AHI1: variants seen among roughly 807,000 people sequenced by gnomAD.
AHI1 encodes the protein jouberin.
Under a neutral mutation model 149.3 loss-of-function variants are expected in AHI1, and 123 were observed. The observed-to-expected ratio is 0.82, with a 90% CI of 0.71 to 0.96. AHI1 has a LOEUF of 0.96. AHI1 is among the 40% of genes least tolerant of loss of function. The probability of loss-of-function intolerance (pLI) is 0.00; values close to 1 mark genes in which losing one functional copy is unlikely to be tolerated. For missense variants in AHI1, 1,439 were observed against 1,422.7 expected, an observed-to-expected ratio of 1.01 and a Z score of -0.18; for synonymous variants, 475 against 459.8, an observed-to-expected ratio of 1.03 and a Z score of -0.42.
In AHI1 at chr6:135,347,876, T is replaced by C. The variant is rs533559795; in HGVS notation, c.3165+10256A>G. Among the ~76,000 whole-genome samples, 39 of 152,222 alleles carry C rather than the reference T, an allele frequency of 2.6e-4. 1 individual carries two copies. The highest frequency in any genetic ancestry group is 5.0e-4 in the Non-Finnish European group (34 of 68,036). On this transcript the variant is annotated intron_variant, in intron 24 of 28. Transcript: ENST00000265602. The stretch of plus-strand genomic sequence containing the variant: ...AAGTACTCCCAGAGAAGTCTGCATA[T>C]GTTGCCATAAGATAGTGCCAGCCAG...
intron 23 of AHI1, among the ~76,000 whole-genome samples, chr6:135,384,799 T>C (rs1777336559): frequency 6.6e-6 from 1 of 152,124 alleles, no homozygotes; most frequent in Non-Finnish European, 1.5e-5. Flanking sequence ...GTTTTTAAAA[T>C]GTAAATTGGA....
At chr6:135,389,907 T>C (rs1263504985) in intron 23 of AHI1, among the ~76,000 whole-genome samples, 1 of 152,242 alleles carries the variant, frequency 6.6e-6, no homozygotes, top group African/African-American at 2.4e-5. Context: ...ATTTTAAAAC[T>C]TAGTTTTACA....
chr6:135,369,791 T>C (rs369941911), intron 23 of AHI1, among the ~76,000 whole-genome samples: 19 of 152,300 alleles, frequency 1.2e-4, no homozygotes, highest in African/African-American at 4.6e-4. Flanking sequence ...TGTTGTTAGG[T>C]CCATCTAATG....
chr6:135,302,884 C>T (rs1401962510), intron 26 of AHI1: 22 of 1,138,566 alleles, frequency 1.9e-5, no homozygotes, highest in Middle Eastern at 2.3e-4. Context: ...CCATCGACAA[C>T]GCCAAAGAAC....
At chr6:135,493,837 G>T (rs569630968) in intron 3 of AHI1, among the ~76,000 whole-genome samples, 1 of 152,186 alleles carries the variant, frequency 6.6e-6, no homozygotes, top group Non-Finnish European at 1.5e-5. Flanking sequence ...GAGGTCAGGA[G>T]TTTGTGTCCT....
intron 5 of AHI1, among the ~76,000 whole-genome samples, chr6:135,474,172 T>C (rs1792208896): frequency 6.6e-6 from 1 of 152,214 alleles, no homozygotes; most frequent in Admixed American, 6.5e-5. Flanking sequence ...TACAATACTT[T>C]CCGTTTAAAA....
At chr6:135,314,801 A>C (rs1044144245) in intron 26 of AHI1, among the ~76,000 whole-genome samples, 2 of 152,118 alleles carry the variant, frequency 1.3e-5, no homozygotes, top group African/African-American at 4.8e-5. Flanking sequence ...GCAATGCCAA[A>C]GCACTTTTCC....
intron 23 of AHI1, among the ~76,000 whole-genome samples, chr6:135,361,645 TCACA>T (rs57786531): frequency 0.16 from 21,194 of 133,646 alleles, 1,745 homozygotes; most frequent in Admixed American, 0.18. Context: ...AGGTATGGTT[TCACA>T]CACACACACA....
chr6:135,318,507 A>G lies in AHI1; in HGVS notation c.3426+12T>C, dbSNP rs1786313203. ...AAGTACATATGTAATACGTATGCTC[A>G]AAAACATTTACCTTTTGAGGAGCTG... On this transcript the variant is annotated intron_variant, in intron 26 of 28. Coordinates refer to ENST00000265602, the MANE Select transcript of AHI1 (RefSeq NM_001134831.2). The G allele has an allele frequency of 6.5e-7, 1 of 1,545,494 alleles. No homozygotes were observed.
chr6:135,421,863 T>A (rs73777521), intron 20 of AHI1, among the ~76,000 whole-genome samples: 7,492 of 152,202 alleles, frequency 0.049, 531 homozygotes, highest in African/African-American at 0.16. Context: ...AATGTGGCAT[T>A]TCTATCTTTT....
chr6:135,453,645 A>T (rs1470388478), intron 10 of AHI1, among the ~76,000 whole-genome samples: 1 of 152,178 alleles, frequency 6.6e-6, no homozygotes, highest in Non-Finnish European at 1.5e-5. Flanking sequence ...TCTTTCATTA[A>T]TAAATACTAT....
intron 26 of AHI1, chr6:135,301,736 C>T: frequency 2.0e-6 from 2 of 985,374 alleles, no homozygotes; most frequent in Non-Finnish European, 2.4e-6. Flanking sequence ...AACAAAAGAA[C>T]CCATGACATC....
chr6:135,311,194 C>T (rs899947334), intron 26 of AHI1, among the ~76,000 whole-genome samples: 2 of 149,572 alleles, frequency 1.3e-5, no homozygotes, highest in Non-Finnish European at 3.0e-5. Flanking sequence ...CCAAGCCACT[C>T]GGGAGACTGA....
At chr6:135,496,090 C>T (rs1421652783) in intron 2 of AHI1, among the ~76,000 whole-genome samples, 192 bp from the exon 3 acceptor site, 1 of 151,846 alleles carries the variant, frequency 6.6e-6, no homozygotes, top group East Asian at 1.9e-4. Flanking sequence ...GTAATGATAA[C>T]ACAGCAAATA....
intron 22 of AHI1, among the ~76,000 whole-genome samples, chr6:135,403,669 T>G (rs1165966142): frequency 1.3e-5 from 2 of 152,196 alleles, no homozygotes; most frequent in Non-Finnish European, 2.9e-5. Context: ...GCCTCTGATT[T>G]TATACACAAT....
rs117768305 is a variant in AHI1 at position 135,284,180 on chromosome 6, T to C, written c.*1465A>G. The stretch of plus-strand genomic sequence containing the variant: ...GCGGATGGCTGTAGGCTTCACCAGT[T>C]ATCAGTGCCACTCAACACTTTCAAA... On this transcript the variant is annotated 3_prime_UTR_variant, in exon 29 of 29. Coordinates refer to ENST00000265602, the MANE Select transcript of AHI1 (RefSeq NM_001134831.2). 1 of 152,318 alleles carries C rather than the reference T, an allele frequency of 6.6e-6. No individual in the cohort carries two copies. The highest frequency in any genetic ancestry group is 1.5e-5 in the Non-Finnish European group (1 of 68,014). The allele number at this position is 152,318 out of a possible 1,614,324, so 9.4% of individuals were successfully genotyped here. A position where few individuals can be genotyped will look rare whatever the true frequency, so the allele number is the denominator to read the frequency against.
intron 16 of AHI1, 135 bp downstream of exon 16, chr6:135,432,892 T>C: frequency 3.1e-6 from 2 of 643,382 alleles, no homozygotes; most frequent in Non-Finnish European, 2.7e-6. Flanking sequence ...ATATCTATCA[T>C]ATGACCTGCA....
chr6:135,469,252 CA>C (rs1210105196), intron 5 of AHI1, among the ~76,000 whole-genome samples: 1 of 152,062 alleles, frequency 6.6e-6, no homozygotes, highest in Non-Finnish European at 1.5e-5. Context: ...GAACTAAAGA[CA>C]AAAACCATAT....
intron 24 of AHI1, among the ~76,000 whole-genome samples, chr6:135,354,438 T>C (rs1792642458): frequency 6.6e-6 from 1 of 152,156 alleles, no homozygotes; most frequent in Non-Finnish European, 1.5e-5. Context: ...TGAAAAGCTA[T>C]GGGATTTGCC....
Sources: allele counts gnomAD v4.1 joint callset (sites outside exome capture counted in the v4.1 genomes callset), GRCh38; gene constraint gnomAD v4.1.1; transcripts MANE v1.5; gene names NCBI Gene and HGNC (gene_info 2026-07-23, HGNC 2026-07-21).